Variants in CAST observed in about 807,000 individuals in gnomAD.
CAST encodes calpastatin.
CAST carries 76 observed loss-of-function variants against 119.6 expected under a neutral mutation model. The observed-to-expected ratio is 0.64, with a 90% CI of 0.53 to 0.77. The LOEUF (loss-of-function observed/expected upper bound fraction) is 0.77. Among genes scored for constraint, CAST ranks in the 30% least tolerant of loss-of-function variants. The pLI is 0.00. For missense variants in CAST, 953 were observed against 946.5 expected (o/e 1.01, Z -0.09); for synonymous variants, 319 against 331.6 (o/e 0.96, Z 0.41).
the CAST span, among the ~76,000 whole-genome samples, chr5:96,356,763 C>G: frequency 3.3e-5 from 5 of 152,170 alleles, no homozygotes; most frequent in African/African-American, 9.6e-5. Context: ...AGTCAGGTAG[C>G]GTGATGCCTC....
intron 24 of CAST, 71 bp downstream of exon 24, chr5:96,757,725 C>G (rs1044919217): frequency 1.2e-5 from 13 of 1,045,806 alleles, no homozygotes; most frequent in African/African-American, 8.3e-5. Flanking sequence ...GAGTCTTGCT[C>G]TGTCATCCAG....
At chr5:96,446,560 A>G in the CAST span, among the ~76,000 whole-genome samples, 1 of 152,248 alleles carries the variant, frequency 6.6e-6, no homozygotes, top group Non-Finnish European at 1.5e-5. Context: ...TTTTAAACCA[A>G]GAACACAAAA....
At chr5:96,117,624 T>C in the CAST span, among the ~76,000 whole-genome samples, 1 of 152,200 alleles carries the variant, frequency 6.6e-6, no homozygotes, top group Non-Finnish European at 1.5e-5. Flanking sequence ...TGGGCAGATA[T>C]GTTTGAAGCA....
intron 1 of CAST, among the ~76,000 whole-genome samples, chr5:96,540,199 T>A (rs934145043): frequency 6.6e-6 from 1 of 152,090 alleles, no homozygotes; most frequent in Admixed American, 6.5e-5. Flanking sequence ...TTATATTTTT[T>A]AAATATTTAA....
chr5:96,411,258 G>A, the CAST span, among the ~76,000 whole-genome samples: 1,558 of 152,296 alleles, frequency 0.01, 29 homozygotes, highest in African/African-American at 0.035. Flanking sequence ...ATAATCTAGC[G>A]TTTTGCACTT....
At chr5:96,379,964 A>C in the CAST span, among the ~76,000 whole-genome samples, 80 of 152,278 alleles carry the variant, frequency 5.3e-4, no homozygotes, top group African/African-American at 1.3e-3. Flanking sequence ...GAACAGGACC[A>C]TTTCTGGTTC....
chr5:95,996,618 GTAACACT>G, the CAST span, among the ~76,000 whole-genome samples: 1 of 152,146 alleles, frequency 6.6e-6, no homozygotes, highest in Non-Finnish European at 1.5e-5. Context: ...TTATACAAGT[GTAACACT>G]TGTTCATGAT....
the CAST span, among the ~76,000 whole-genome samples, chr5:96,361,530 G>A: frequency 1.3e-5 from 2 of 152,188 alleles, no homozygotes; most frequent in Admixed American, 1.3e-4. Context: ...TATCTGGGCT[G>A]GAATGCACTG....
chr5:96,098,283 A>G, the CAST span, among the ~76,000 whole-genome samples: 3 of 151,958 alleles, frequency 2.0e-5, no homozygotes, highest in African/African-American at 7.3e-5. Context: ...TTGTCTTTTT[A>G]CTCTGTTGAT....
the CAST span, among the ~76,000 whole-genome samples, chr5:96,429,009 T>C: frequency 2.0e-5 from 3 of 152,140 alleles, no homozygotes; most frequent in Non-Finnish European, 4.4e-5. Flanking sequence ...AAAATTAACT[T>C]TGGCTCAACC....
At chr5:96,428,453 A>G in the CAST span, among the ~76,000 whole-genome samples, 2 of 152,212 alleles carry the variant, frequency 1.3e-5, no homozygotes, top group African/African-American at 4.8e-5. Flanking sequence ...TACTCCCAAC[A>G]TAGTAAACAT....
At chr5:96,457,008 A>G in the CAST span, among the ~76,000 whole-genome samples, 1 of 152,296 alleles carries the variant, frequency 6.6e-6, no homozygotes, top group East Asian at 1.9e-4. Context: ...ACCCTGTGGA[A>G]CTGTGAGTCA....
the CAST span, among the ~76,000 whole-genome samples, chr5:96,185,914 G>T: frequency 6.6e-6 from 1 of 151,928 alleles, no homozygotes; most frequent in Admixed American, 6.6e-5. Flanking sequence ...AAAGGGAATT[G>T]AATTGAATAT....
At chr5:95,983,235 G>C in the CAST span, among the ~76,000 whole-genome samples, 1 of 152,228 alleles carries the variant, frequency 6.6e-6, no homozygotes, top group Non-Finnish European at 1.5e-5. Flanking sequence ...GAGGGTGAGA[G>C]GGGGTAGTGA....
In CAST at chr5:96,757,488, G is replaced by A. The variant is rs147929213; in HGVS notation, c.1755G>A (p.Gln585=). 181 of 1,614,086 alleles carry A rather than the reference G, an allele frequency of 1.1e-4. 2 individuals carry two copies. The African/African-American group carries it at 1.7e-3, about 15-fold the overall frequency. The part of the protein sequence containing the change: ...KPLLPKESKE[Q]LPPMSEDFLL... ...TCCTGCCAAAAGAGTCTAAGGAACA[G>A]CTTCCAGTAAGCAAACCAGTTTTCT... Residue 585 remains glutamine, a synonymous_variant, in exon 23 of 32, where the codon CAG becomes CAA. Coordinates refer to ENST00000675179, the MANE Select transcript of CAST (RefSeq NM_001750.7).
At chr5:96,167,725 G>T in the CAST span, among the ~76,000 whole-genome samples, 3 of 152,192 alleles carry the variant, frequency 2.0e-5, no homozygotes, top group Non-Finnish European at 2.9e-5. Flanking sequence ...AAGAAATGAC[G>T]GCGGTGGCCT....
At chr5:96,141,722 CCT>C in the CAST span, among the ~76,000 whole-genome samples, 1 of 152,166 alleles carries the variant, frequency 6.6e-6, no homozygotes, top group Non-Finnish European at 1.5e-5. Flanking sequence ...TCTGAGAAGT[CCT>C]ACAGCTTGTA....
At chr5:96,560,407 G>T (rs1415137827) in intron 1 of CAST, among the ~76,000 whole-genome samples, 1 of 151,492 alleles carries the variant, frequency 6.6e-6, no homozygotes, top group African/African-American at 2.4e-5. Context: ...ACTACCATCA[G>T]AGTGAACAGG....
At chr5:96,261,734 A>G in the CAST span, among the ~76,000 whole-genome samples, 2 of 152,224 alleles carry the variant, frequency 1.3e-5, no homozygotes, top group African/African-American at 4.8e-5. Context: ...TGCTAGTGGA[A>G]CAAAAAAAAA....
Sources: gnomAD v4.1 joint callset for allele counts (sites outside exome capture counted in the v4.1 genomes callset) on GRCh38, gnomAD v4.1.1 for gene constraint, MANE v1.5 for transcripts, NCBI Gene and HGNC (gene_info 2026-07-23, HGNC 2026-07-21) for gene names.